The following ASTN1 variants were observed in gnomAD, a reference collection of about 807,000 sequenced individuals.
ASTN1 encodes astrotactin-1.
In ASTN1, 41 loss-of-function variants were observed where a neutral mutation model predicts 140.7. The ratio of observed to expected loss-of-function variants is 0.29; its 90% CI spans 0.23 to 0.38. ASTN1 has a LOEUF of 0.38. Ranked by LOEUF, ASTN1 falls within the 10% of genes least tolerant of loss-of-function variation. The pLI, the probability that ASTN1 is intolerant of heterozygous loss-of-function variation, is 1.00. For synonymous variants in ASTN1, 640 were observed against 652.2 expected (o/e 0.98, Z 0.29); for missense variants, 1,479 against 1,678.8 (o/e 0.88, Z 2.08).
chr1:176,993,575 T>C (rs1674289942), intron 8 of ASTN1, among the ~76,000 whole-genome samples: 1 of 152,180 alleles, frequency 6.6e-6, no homozygotes, highest in South Asian at 2.1e-4. Context: ...ACACCTGCTA[T>C]AAAGTCTAGC....
chr1:176,876,373 A>G (rs999665092), intron 21 of ASTN1, among the ~76,000 whole-genome samples, 164 bp downstream of exon 21: 3 of 152,082 alleles, frequency 2.0e-5, no homozygotes, highest in Admixed American at 6.5e-5. Flanking sequence ...GCGGCTGAGT[A>G]TTATTTCTGG....
At chr1:177,068,668 A>G (rs1678480240) in intron 1 of ASTN1, among the ~76,000 whole-genome samples, 1 of 152,156 alleles carries the variant, frequency 6.6e-6, no homozygotes, top group Non-Finnish European at 1.5e-5. Context: ...CAATGACACA[A>G]AACCAAACAT....
intron 1 of ASTN1, among the ~76,000 whole-genome samples, chr1:177,148,738 G>T (rs1246811077): frequency 1.3e-5 from 2 of 151,126 alleles, no homozygotes; most frequent in Non-Finnish European, 2.9e-5. Context: ...TTTCAAGGAA[G>T]ATCAACAGTG....
At position 176,863,251 on chromosome 1, in the gene ASTN1, T is replaced by C; in HGVS notation, c.*1033A>G. The C allele has an allele frequency of 1.0e-6, 1 of 985,912 alleles. No homozygotes were observed. Among genetic ancestry groups the C allele is most frequent in the Non-Finnish European group, 1.2e-6 (1 of 829,940 alleles). 61.1% of individuals were successfully genotyped at this position (985,912 alleles called of 1,614,324 possible). ...ACAAGCAAATTTAGCAAGGTGGGGA[T>C]GAACAGAAGTTTTTTGTGATCAATA... is the stretch of plus-strand genomic sequence containing the variant. On this transcript the variant is annotated 3_prime_UTR_variant, in exon 23 of 23. Transcript: ENST00000361833.
At chr1:176,874,983 G>C (rs903915961) in intron 21 of ASTN1, among the ~76,000 whole-genome samples, 1 of 152,140 alleles carries the variant, frequency 6.6e-6, no homozygotes, top group South Asian at 2.1e-4. Context: ...AAAACAGACT[G>C]GGATCCTGCT....
At chr1:177,028,495 G>A (rs1333716923) in intron 5 of ASTN1, among the ~76,000 whole-genome samples, 1 of 152,306 alleles carries the variant, frequency 6.6e-6, no homozygotes, top group Middle Eastern at 3.4e-3. Context: ...TCTCTGGGAA[G>A]AACACCTGTT....
At chr1:177,083,339 C>G (rs1037790647) in intron 1 of ASTN1, among the ~76,000 whole-genome samples, 2 of 152,100 alleles carry the variant, frequency 1.3e-5, no homozygotes, top group African/African-American at 4.8e-5. Context: ...TCTGGAACCA[C>G]CCAACATCAG....
chr1:177,010,993 G>A (rs1038253620), intron 8 of ASTN1, among the ~76,000 whole-genome samples: 2 of 152,066 alleles, frequency 1.3e-5, no homozygotes, highest in South Asian at 2.1e-4. Flanking sequence ...TCCTGCTAGC[G>A]GGTCTAGTAT....
intron 1 of ASTN1, among the ~76,000 whole-genome samples, chr1:177,064,958 G>A (rs2102041295): frequency 6.6e-6 from 1 of 152,306 alleles, no homozygotes; most frequent in Non-Finnish European, 1.5e-5. Flanking sequence ...GAACATCAAT[G>A]TAATCATACT....
At chr1:177,037,174 T>C (rs1003860920) in intron 2 of ASTN1, among the ~76,000 whole-genome samples, 1 of 152,178 alleles carries the variant, frequency 6.6e-6, no homozygotes, top group South Asian at 2.1e-4. Flanking sequence ...GCAGTTTCAG[T>C]AAATATCATG....
chr1:176,932,501 G>C (rs1400529532), intron 16 of ASTN1, among the ~76,000 whole-genome samples: 2 of 152,218 alleles, frequency 1.3e-5, no homozygotes, highest in East Asian at 3.9e-4. Context: ...CTATAACTTA[G>C]AGGTAAGTTT....
chr1:176,927,647 A>T (rs1466917002), intron 16 of ASTN1, among the ~76,000 whole-genome samples: 1 of 152,140 alleles, frequency 6.6e-6, no homozygotes, highest in Non-Finnish European at 1.5e-5. Context: ...CAAAATGTGG[A>T]TGTTAATTAC....
intron 13 of ASTN1, among the ~76,000 whole-genome samples, chr1:176,945,422 C>A (rs1671913047): frequency 6.6e-6 from 1 of 152,104 alleles, no homozygotes; most frequent in South Asian, 2.1e-4. Context: ...TAAAAAATAT[C>A]TAACAATTGA....
In ASTN1 at chr1:176,861,928, T is replaced by C. The variant is rs2103005301; in HGVS notation, c.*2356A>G. ...ACAGAGGAGTGACTCTGATACCTGC[T>C]TCACCCTCTCCCTGGCCTGTCAACT... On this transcript the variant is annotated 3_prime_UTR_variant, in exon 23 of 23. Transcript: ENST00000361833. The C allele has an allele frequency of 1.0e-6, 1 of 985,428 alleles. No individual in the cohort carries two copies. Among genetic ancestry groups the C allele is most frequent in the East Asian group, 1.1e-4 (1 of 8,798 alleles). 61.0% of individuals were successfully genotyped at this position (985,428 alleles called of 1,614,324 possible). A position where few individuals can be genotyped will look rare whatever the true frequency, so the allele number is the denominator to read the frequency against.
At chr1:177,049,739 C>A (rs1677440255) in intron 2 of ASTN1, among the ~76,000 whole-genome samples, 1 of 152,188 alleles carries the variant, frequency 6.6e-6, no homozygotes, top group Non-Finnish European at 1.5e-5. Flanking sequence ...TAGCTGGGCC[C>A]ACGTCACTCT....
intron 1 of ASTN1, among the ~76,000 whole-genome samples, chr1:177,062,543 C>G (rs540802457): frequency 1.4e-5 from 2 of 146,958 alleles, no homozygotes; most frequent in African/African-American, 5.0e-5. Flanking sequence ...TATGGCCTGG[C>G]CTTTTTTTTT....
At chr1:176,997,762 G>A (rs1674522301) in intron 8 of ASTN1, among the ~76,000 whole-genome samples, 1 of 152,136 alleles carries the variant, frequency 6.6e-6, no homozygotes, top group South Asian at 2.1e-4. Flanking sequence ...TGGGACGATT[G>A]CCACAATAGA....
chr1:177,076,278 C>CA (rs1171864161), intron 1 of ASTN1, among the ~76,000 whole-genome samples: 6,807 of 77,394 alleles, frequency 0.088, 409 homozygotes, highest in South Asian at 0.21. Context: ...GACTATGTCT[C>CA]AAAAAAAAAA....
intron 2 of ASTN1, among the ~76,000 whole-genome samples, chr1:177,038,892 C>A (rs996373313): frequency 6.6e-6 from 1 of 152,210 alleles, no homozygotes; most frequent in Non-Finnish European, 1.5e-5. Flanking sequence ...TACTTCTCTT[C>A]TTCAAACCAA....
Sources: allele counts gnomAD v4.1 joint callset (sites outside exome capture counted in the v4.1 genomes callset), GRCh38; gene constraint gnomAD v4.1.1; transcripts MANE v1.5; gene names NCBI Gene and HGNC (gene_info 2026-07-23, HGNC 2026-07-21).